The following PDE1C variants were observed in gnomAD, a reference collection of about 807,000 sequenced individuals.
The protein encoded by PDE1C is phosphodiesterase 1C, also known as dual specificity calcium/calmodulin-dependent 3',5'-cyclic nucleotide phosphodiesterase 1C.
A neutral mutation model predicts 93.1 loss-of-function variants in PDE1C; 62 were observed. The ratio of observed to expected loss-of-function variants is 0.67; its 90% confidence interval spans 0.54 to 0.82. The LOEUF (loss-of-function observed/expected upper bound fraction) is 0.82. Among genes scored for constraint, PDE1C ranks in the 40% least tolerant of loss-of-function variants. The pLI is 0.00. For missense variants in PDE1C, 742 were observed against 884.6 expected (o/e 0.84, Z 2.04); for synonymous variants, 325 against 310.1 (o/e 1.05, Z -0.50).
At chr7:31,770,138 GA>G (rs1241268203) in intron 17 of PDE1C, among the ~76,000 whole-genome samples, 1 of 152,116 alleles carries the variant, frequency 6.6e-6, no homozygotes, top group Non-Finnish European at 1.5e-5. Context: ...CTGTGGTTTT[GA>G]TTTGTATTTC....
At chr7:32,185,247 GAAAAAAAAA>G (rs60570476) in intron 2 of PDE1C, among the ~76,000 whole-genome samples, 17 of 101,568 alleles carry the variant, frequency 1.7e-4, no homozygotes, top group East Asian at 8.5e-4. Flanking sequence ...CTCTGTCTCA[GAAAAAAAAA>G]AAAAAAAAAA....
At chr7:31,659,961 A>G in the PDE1C span, among the ~76,000 whole-genome samples, 7 of 152,118 alleles carry the variant, frequency 4.6e-5, no homozygotes, top group Non-Finnish European at 1.0e-4. Context: ...AGGTAATTTA[A>G]TCATGGGTGC....
At chr7:32,348,071 G>T (rs185039789) in intron 1 of PDE1C, among the ~76,000 whole-genome samples, 78 of 152,288 alleles carry the variant, frequency 5.1e-4, no homozygotes, top group African/African-American at 1.7e-3. Context: ...ATGATCATGA[G>T]AGTAGACTGT....
chr7:31,642,951 C>T, the PDE1C span: 1 of 1,614,050 alleles, frequency 6.2e-7, no homozygotes, highest in East Asian at 2.2e-5. Flanking sequence ...GTGCCAAGAC[C>T]ACCACGAGGG....
the PDE1C span, chr7:31,692,318 G>T: frequency 1.3e-6 from 1 of 753,724 alleles, no homozygotes; most frequent in African/African-American, 1.7e-5. Context: ...ACAATAGCAG[G>T]TGCTCAACAA....
At chr7:31,761,783 C>A (rs572599721) in intron 17 of PDE1C, among the ~76,000 whole-genome samples, 1 of 152,306 alleles carries the variant, frequency 6.6e-6, no homozygotes, top group South Asian at 2.1e-4. Context: ...CTTCATCTCT[C>A]CAATCCTCTC....
At chr7:32,285,879 C>A (rs1050076933) in intron 1 of PDE1C, among the ~76,000 whole-genome samples, 2 of 151,976 alleles carry the variant, frequency 1.3e-5, no homozygotes, top group East Asian at 3.9e-4. Flanking sequence ...TAAGTCCAAG[C>A]GTTTGCCAAC....
rs1178035248 is a variant in PDE1C, at chr7:31,775,570, G to A, written c.1960+94C>T. The A allele has an allele frequency of 4.0e-6, 4 of 995,652 alleles. No homozygotes were observed. In the East Asian group the frequency reaches 1.0e-4, roughly 25 times the overall value. 61.7% of individuals were successfully genotyped at this position (995,652 alleles called of 1,614,324 possible). ...CGTGAGTAGACTGGATAACTATGGG[G>A]CCATGTTCTCAGTTTATCAACCCAA... On this transcript the variant is annotated intron_variant, in intron 17 of 17. Transcript: ENST00000396191.
intron 1 of PDE1C, among the ~76,000 whole-genome samples, chr7:32,269,228 T>C (rs1810801319): frequency 6.6e-6 from 1 of 151,778 alleles, no homozygotes; most frequent in African/African-American, 2.4e-5. Context: ...CCTGAGGATG[T>C]TGTGAAAACA....
upstream of PDE1C, among the ~76,000 whole-genome samples, chr7:32,072,909 T>C (rs911437629): frequency 1.3e-5 from 2 of 152,200 alleles, no homozygotes; most frequent in African/African-American, 4.8e-5. Flanking sequence ...TAGGCAAAAA[T>C]ATTTTTATGT....
rs70989605 is a variant in PDE1C at position 31,803,399 on chromosome 7, TTTATTA to T, written c.1891+5626_1891+5631del. On this transcript the variant is annotated intron_variant, in intron 16 of 17. Transcript: ENST00000396191. ...GTTTCAATTGGTTGGGCTTTTTCTT[TTTATTA>T]TTATTATTATTATTATACTTTAAGT... Among the ~76,000 whole-genome samples the T allele has an allele frequency of 9.5e-4, 142 of 150,190 alleles. 1 individual carries two copies. The highest frequency in any genetic ancestry group is 3.3e-3 in the African/African-American group (134 of 40,622).
chr7:31,972,513 G>C (rs1811094798), intron 2 of PDE1C, among the ~76,000 whole-genome samples: 1 of 152,304 alleles, frequency 6.6e-6, no homozygotes. Context: ...GTCATGTGCA[G>C]AAGTGCAGCT....
chr7:32,362,658 C>T (rs1253969131), intron 1 of PDE1C, among the ~76,000 whole-genome samples: 1 of 152,048 alleles, frequency 6.6e-6, no homozygotes. Context: ...AATCACCTGC[C>T]TGGGCCCTAC....
At chr7:32,263,076 C>A (rs1247539377) in intron 1 of PDE1C, among the ~76,000 whole-genome samples, 1 of 152,184 alleles carries the variant, frequency 6.6e-6, no homozygotes, top group East Asian at 1.9e-4. Flanking sequence ...ATGAGGATCT[C>A]CCGGAATGTG....
chr7:32,427,428 T>C (rs904282757), intron 1 of PDE1C, among the ~76,000 whole-genome samples: 1 of 152,186 alleles, frequency 6.6e-6, no homozygotes, highest in Non-Finnish European at 1.5e-5. Flanking sequence ...CCTCAAGTCC[T>C]TTCACATGTG....
intron 1 of PDE1C, among the ~76,000 whole-genome samples, chr7:32,282,943 A>G (rs1811767408): frequency 6.6e-6 from 1 of 152,342 alleles, no homozygotes; most frequent in African/African-American, 2.4e-5. Context: ...TGTTCATAAC[A>G]TCAACATGAA....
At chr7:32,037,953 C>T (rs867163797) in intron 2 of PDE1C, among the ~76,000 whole-genome samples, 3 of 152,068 alleles carry the variant, frequency 2.0e-5, no homozygotes, top group African/African-American at 4.8e-5. Context: ...AAAATAAGTA[C>T]TTTCAATTTG....
the PDE1C span, among the ~76,000 whole-genome samples, chr7:31,688,786 T>C: frequency 1.3e-5 from 2 of 152,204 alleles, no homozygotes; most frequent in African/African-American, 4.8e-5. Flanking sequence ...AACCCTGAAA[T>C]CATATCTCTT....
At chr7:32,261,321 A>G (rs1197101444) in intron 1 of PDE1C, among the ~76,000 whole-genome samples, 1 of 152,014 alleles carries the variant, frequency 6.6e-6, no homozygotes, top group East Asian at 1.9e-4. Flanking sequence ...CATCACCTAC[A>G]GGAACAGAAA....
Sources: allele counts gnomAD v4.1 joint callset (sites outside exome capture counted in the v4.1 genomes callset), GRCh38; gene constraint gnomAD v4.1.1; transcripts MANE v1.5; gene names NCBI Gene and HGNC (gene_info 2026-07-23, HGNC 2026-07-21).